The following ZBTB20 variants were observed in gnomAD, a reference collection of about 807,000 sequenced individuals.
The protein encoded by ZBTB20 is zinc finger and BTB domain-containing protein 20.
Under a neutral mutation model 56.9 loss-of-function variants are expected in ZBTB20, and 9 were observed. That is an observed-to-expected ratio of 0.16 (90% CI 0.10 to 0.28). ZBTB20 has a LOEUF of 0.28. Among genes scored for constraint, ZBTB20 ranks in the 10% least tolerant of loss-of-function variants. ZBTB20 has a pLI of 1.00. For synonymous variants in ZBTB20, 417 were observed against 420.7 expected, an observed-to-expected ratio of 0.99 and a Z score of 0.11; for missense variants, 655 against 1,003.0, an observed-to-expected ratio of 0.65 and a Z score of 4.69.
chr3:114,470,230 G>T (rs928397840), intron 7 of ZBTB20, among the ~76,000 whole-genome samples: 6 of 152,002 alleles, frequency 3.9e-5, no homozygotes, highest in African/African-American at 1.2e-4. Flanking sequence ...AATAACAAAA[G>T]ACACTTTTAT....
At chr3:114,929,800 T>C (rs1379892513) in intron 3 of ZBTB20, among the ~76,000 whole-genome samples, 1 of 152,252 alleles carries the variant, frequency 6.6e-6, no homozygotes, top group Non-Finnish European at 1.5e-5. Context: ...TGAATTAATC[T>C]ATCATCAGGC....
chr3:114,361,197 T>C (rs967476755), intron 10 of ZBTB20, among the ~76,000 whole-genome samples: 20 of 152,350 alleles, frequency 1.3e-4, no homozygotes, highest in African/African-American at 4.6e-4. Context: ...AAAATCTCTG[T>C]GCTAATCCAA....
chr3:114,915,913 C>A (rs537882619), intron 3 of ZBTB20, among the ~76,000 whole-genome samples: 1 of 151,982 alleles, frequency 6.6e-6, no homozygotes, highest in African/African-American at 2.4e-5. Flanking sequence ...CCATGGTGAT[C>A]AGAGAAGATA....
At chr3:114,841,241 T>C (rs899993707) in intron 4 of ZBTB20, among the ~76,000 whole-genome samples, 1 of 152,284 alleles carries the variant, frequency 6.6e-6, no homozygotes, top group Admixed American at 6.5e-5. Flanking sequence ...AAATTGAGAC[T>C]TGCAAGATTG....
At chr3:115,043,774 A>C (rs368082710) in intron 2 of ZBTB20, among the ~76,000 whole-genome samples, 1 of 151,886 alleles carries the variant, frequency 6.6e-6, no homozygotes, top group East Asian at 1.9e-4. Context: ...ATAAGCCCTT[A>C]TTTTCAGAAT....
chr3:114,499,612 G>C (rs1577114003), intron 7 of ZBTB20, among the ~76,000 whole-genome samples: 1 of 152,070 alleles, frequency 6.6e-6, no homozygotes, highest in Non-Finnish European at 1.5e-5. Context: ...GATTATTTGG[G>C]TTCATTGGCC....
chr3:114,937,432 T>TC (rs1560417661), intron 3 of ZBTB20, among the ~76,000 whole-genome samples: 47 of 152,020 alleles, frequency 3.1e-4, no homozygotes, highest in African/African-American at 1.1e-3. Context: ...CTTCTTCTTT[T>TC]TTTTTTTTAG....
intron 10 of ZBTB20, among the ~76,000 whole-genome samples, chr3:114,354,587 G>T (rs199667115): frequency 1.7e-3 from 225 of 129,818 alleles, no homozygotes; most frequent in South Asian, 3.3e-3. Flanking sequence ...TGTTTTGTTT[G>T]TTTTTTTTTT....
chr3:114,835,007 C>T (rs535793079), intron 4 of ZBTB20, among the ~76,000 whole-genome samples: 1 of 152,168 alleles, frequency 6.6e-6, no homozygotes, highest in Admixed American at 6.6e-5. Flanking sequence ...ATACTCTTTC[C>T]CACTTCTAAT....
At chr3:114,981,637 T>G (rs1403168315) in intron 2 of ZBTB20, among the ~76,000 whole-genome samples, 1 of 152,024 alleles carries the variant, frequency 6.6e-6, no homozygotes, top group Non-Finnish European at 1.5e-5. Flanking sequence ...ATTTACTTAT[T>G]TAAACCTAAC....
chr3:114,454,198 GAGA>G (rs1014609566), intron 7 of ZBTB20, among the ~76,000 whole-genome samples: 1 of 151,054 alleles, frequency 6.6e-6, no homozygotes, highest in African/African-American at 2.4e-5. Flanking sequence ...GAGAGAGAGA[GAGA>G]GAGAGAGAGA....
At position 114,658,184 on chromosome 3, in the gene ZBTB20, C is replaced by T. The variant is rs555381769; in HGVS notation, c.-295+35344G>A. 5.3e-5 allele frequency among the ~76,000 whole-genome samples: 8 copies of T among 152,146 alleles called. 1 individual carries two copies. The South Asian group carries it at 1.7e-3, about 32-fold the overall frequency. On this transcript the variant is annotated intron_variant, in intron 6 of 11. Coordinates refer to ENST00000675478, the MANE Select transcript of ZBTB20 (RefSeq NM_001348800.3). ...TAATCTGTGAATAAAATGAAACAGA[C>T]CTGTATGTAAAGAAAACTACCTTAA...
chr3:114,538,207 G>T (rs1011047448), intron 6 of ZBTB20, among the ~76,000 whole-genome samples: 1 of 151,984 alleles, frequency 6.6e-6, no homozygotes, highest in Non-Finnish European at 1.5e-5. Flanking sequence ...TCCTTCCTGG[G>T]TATAATAATA....
chr3:114,605,107 T>G (rs2057043711), intron 6 of ZBTB20, among the ~76,000 whole-genome samples: 1 of 152,082 alleles, frequency 6.6e-6, no homozygotes, highest in Admixed American at 6.6e-5. Flanking sequence ...AGGCAGATGA[T>G]GTATGTTGAG....
intron 4 of ZBTB20, among the ~76,000 whole-genome samples, chr3:114,817,174 A>G (rs894023555): frequency 1.4e-5 from 2 of 144,934 alleles, no homozygotes; most frequent in African/African-American, 5.1e-5. Context: ...TCTATATGAA[A>G]TATATTTATA....
chr3:114,770,224 A>G (rs2069101815), intron 5 of ZBTB20, among the ~76,000 whole-genome samples: 1 of 151,842 alleles, frequency 6.6e-6, no homozygotes, highest in Non-Finnish European at 1.5e-5. Context: ...AGATCACCTG[A>G]GGTCAGGAGT....
Position 114,362,811 on chromosome 3 carries a change from G to A in ZBTB20, c.200-10933C>T, listed in dbSNP as rs139164341. Among the ~76,000 whole-genome samples, 271 of 152,322 alleles carry A rather than the reference G, an allele frequency of 1.8e-3. 1 individual carries two copies. Among genetic ancestry groups the A allele is most frequent in the African/African-American group, 6.2e-3 (256 of 41,584 alleles). On this transcript the variant is annotated intron_variant, in intron 10 of 11. Coordinates refer to ENST00000675478, the MANE Select transcript of ZBTB20 (RefSeq NM_001348800.3). The stretch of plus-strand genomic sequence containing the variant: ...AGAAGAGATGACCAATCTATGATGT[G>A]ATAGAAAAATGATCAGGCCAAACTC...
chr3:115,043,324 C>T (rs984862265), intron 2 of ZBTB20, among the ~76,000 whole-genome samples: 1 of 151,514 alleles, frequency 6.6e-6, no homozygotes, highest in Non-Finnish European at 1.5e-5. Context: ...TCTGGGAGGC[C>T]AAGGTGGGCG....
chr3:115,141,103 T>C (rs1389070565), intron 1 of ZBTB20, among the ~76,000 whole-genome samples: 1 of 152,124 alleles, frequency 6.6e-6, no homozygotes, highest in African/African-American at 2.4e-5. Context: ...TATGACACCT[T>C]GAAAACAGAC....
Sources: gnomAD v4.1 joint callset for allele counts (sites outside exome capture counted in the v4.1 genomes callset) on GRCh38, gnomAD v4.1.1 for gene constraint, MANE v1.5 for transcripts, NCBI Gene and HGNC (gene_info 2026-07-23, HGNC 2026-07-21) for gene names.